ATP6V0D2: variants seen among roughly 807,000 people sequenced by gnomAD.
ATP6V0D2 encodes the protein V-type proton ATPase subunit d 2.
In ATP6V0D2, 40 loss-of-function variants were observed where a neutral mutation model predicts 40.0. The observed-to-expected ratio is 1.00, with a 90% CI of 0.78 to 1.30. ATP6V0D2 has a LOEUF of 1.30. Ranked by LOEUF, ATP6V0D2 falls within the 50% of genes most tolerant of loss-of-function variation. The pLI is 0.00. For missense variants in ATP6V0D2, 470 were observed against 423.1 expected, an observed-to-expected ratio of 1.11 and a Z score of -0.97; for synonymous variants, 179 against 156.3, an observed-to-expected ratio of 1.15 and a Z score of -1.08.
chr8:86,129,000 TTACATTAA>T, intron 2 of ATP6V0D2, among the ~76,000 whole-genome samples: 2 of 152,344 alleles, frequency 1.3e-5, no homozygotes, highest in South Asian at 4.1e-4. Flanking sequence ...TTCAAATGTT[TTACATTAA>T]AGATGATGTG....
chr8:86,138,459 C>T (rs1426502758), intron 2 of ATP6V0D2, among the ~76,000 whole-genome samples: 2 of 152,172 alleles, frequency 1.3e-5, no homozygotes, highest in East Asian at 3.9e-4. Context: ...ATTTACTTCT[C>T]AACCTCATTG....
intron 4 of ATP6V0D2, among the ~76,000 whole-genome samples, chr8:86,142,253 T>G (rs1818984654): frequency 6.6e-6 from 1 of 152,184 alleles, no homozygotes; most frequent in South Asian, 2.1e-4. Flanking sequence ...GAGGCATCCT[T>G]GAGATATAAC....
chr8:86,131,120 C>T (rs898032071), intron 2 of ATP6V0D2, among the ~76,000 whole-genome samples: 1 of 151,918 alleles, frequency 6.6e-6, no homozygotes, highest in Non-Finnish European at 1.5e-5. Flanking sequence ...ACACACAAGC[C>T]CAAAATAATA....
chr8:86,149,068 AAAAAAAAC>A (rs1586105858), intron 5 of ATP6V0D2, among the ~76,000 whole-genome samples: 6 of 149,738 alleles, frequency 4.0e-5, no homozygotes, highest in Middle Eastern at 3.2e-3. Flanking sequence ...AAAAAAAAAA[AAAAAAAAC>A]CAATGAACAA....
chr8:86,133,981 C>A (rs1273260458), intron 2 of ATP6V0D2, among the ~76,000 whole-genome samples: 3 of 151,976 alleles, frequency 2.0e-5, no homozygotes, highest in African/African-American at 7.3e-5. Flanking sequence ...AGTGAAACCC[C>A]AAACAGGAAA....
intron 5 of ATP6V0D2, among the ~76,000 whole-genome samples, chr8:86,146,483 G>A (rs556892829): frequency 1.3e-5 from 2 of 152,118 alleles, no homozygotes; most frequent in South Asian, 2.1e-4. Flanking sequence ...ATCGCTTGAA[G>A]CCAGGAGTTT....
chr8:86,121,359 C>A (rs1418257463), intron 2 of ATP6V0D2, among the ~76,000 whole-genome samples: 1 of 152,174 alleles, frequency 6.6e-6, no homozygotes, highest in Non-Finnish European at 1.5e-5. Context: ...CACTTGAGGT[C>A]AGGAGTTTGA....
intron 1 of ATP6V0D2, among the ~76,000 whole-genome samples, chr8:86,101,045 G>T (rs541573290): frequency 7.9e-5 from 12 of 151,550 alleles, no homozygotes; most frequent in Non-Finnish European, 1.2e-4. Flanking sequence ...TACTCAGGAG[G>T]TTGAGGCAGG....
In ATP6V0D2 at chr8:86,152,881, G is replaced by A; in HGVS notation, c.957G>A (p.Lys319=). Residue 319 remains lysine (K), a synonymous_variant, in exon 8 of 8, where the codon AAG becomes AAA. Coordinates refer to ENST00000285393, the MANE Select transcript of ATP6V0D2 (RefSeq NM_152565.1). ...FHYGVFYAYV[K]LKEQEIRNIV... Reference sequence around the variant, plus strand: ...ACGGTGTGTTTTATGCATATGTAAAGCTGAAGGAACAGGAAATTAGAAATA... The same window carrying A: ...ACGGTGTGTTTTATGCATATGTAAAACTGAAGGAACAGGAAATTAGAAATA... 6.2e-7 allele frequency: 1 copy of A among 1,612,830 alleles called. No homozygotes were observed. Among genetic ancestry groups the A allele is most frequent in the East Asian group, 2.2e-5 (1 of 44,770 alleles).
chr8:86,140,286 G>A (rs192057988), intron 3 of ATP6V0D2, among the ~76,000 whole-genome samples: 12 of 152,086 alleles, frequency 7.9e-5, no homozygotes, highest in East Asian at 5.8e-4. Flanking sequence ...ACTATTGATC[G>A]TTTGTCAAAA....
chr8:86,146,184 T>G (rs1819065938), intron 5 of ATP6V0D2, among the ~76,000 whole-genome samples: 1 of 152,116 alleles, frequency 6.6e-6, no homozygotes, highest in African/African-American at 2.4e-5. Flanking sequence ...AATTGGTAAA[T>G]AGGTAAGGTA....
chr8:86,121,736 A>G (rs1162180661), intron 2 of ATP6V0D2, among the ~76,000 whole-genome samples: 3 of 145,262 alleles, frequency 2.1e-5, no homozygotes, highest in Non-Finnish European at 3.0e-5. Context: ...CTCTTCCAGT[A>G]TATCTTGCAA....
rs1163346793 is a variant in ATP6V0D2 at position 86,150,182 on chromosome 8, G to A, written c.710G>A (p.Arg237Gln). ...SFGTELSKED[R>Q]ETLYPTFGKL... ...GGCACTGAATTGAGCAAAGAAGACC[G>A]AGAGACCCTCTATCCAACCTTCGGC... Residue 237 changes from arginine to glutamine, a missense_variant, in exon 6 of 8, where the codon CGA becomes CAA. Coordinates refer to ENST00000285393, the MANE Select transcript of ATP6V0D2 (RefSeq NM_152565.1). 5 of 1,613,268 alleles carry A rather than the reference G, an allele frequency of 3.1e-6. No individual in the cohort carries two copies. Among genetic ancestry groups the A allele is most frequent in the Admixed American group, 1.7e-5 (1 of 59,878 alleles).
At chr8:86,132,391 T>G (rs1244555073) in intron 2 of ATP6V0D2, among the ~76,000 whole-genome samples, 1 of 152,262 alleles carries the variant, frequency 6.6e-6, no homozygotes, top group African/African-American at 2.4e-5. Context: ...CTATAGTCAC[T>G]CTGCTCTTAT....
At chr8:86,140,038 A>G (rs549806534) in intron 3 of ATP6V0D2, among the ~76,000 whole-genome samples, 2 of 152,232 alleles carry the variant, frequency 1.3e-5, no homozygotes, top group Non-Finnish European at 2.9e-5. Context: ...TTGTCCTTCC[A>G]TTTAAATTTT....
chr8:86,136,420 G>A (rs1053952872), intron 2 of ATP6V0D2, among the ~76,000 whole-genome samples: 1 of 151,978 alleles, frequency 6.6e-6, no homozygotes, highest in African/African-American at 2.4e-5. Context: ...GGAGGTTGTG[G>A]GGAACAATTA....
chr8:86,121,177 A>G (rs1194343638), intron 2 of ATP6V0D2, among the ~76,000 whole-genome samples: 2 of 152,172 alleles, frequency 1.3e-5, no homozygotes, highest in Non-Finnish European at 2.9e-5. Context: ...CTGAATCTCC[A>G]TCCATGATCT....
Position 86,152,830 on chromosome 8 carries a change from G to A in ATP6V0D2, c.906G>A (p.Val302=). 6.3e-7 allele frequency: 1 copy of A among 1,593,762 alleles called. No individual in the cohort carries two copies. Among genetic ancestry groups the A allele is most frequent in the South Asian group, 1.2e-5 (1 of 86,072 alleles). ...TCTTTCCTCAGGTACAAATGAATGTGCTGGCATTCAACAGACAGTTCCACT... is the reference window on the plus strand; with the variant it reads ...TCTTTCCTCAGGTACAAATGAATGTACTGGCATTCAACAGACAGTTCCACT... The part of the protein sequence containing the change: ...VFYEREVQMN[V]LAFNRQFHYG... Residue 302 remains valine, a synonymous_variant, in exon 8 of 8, where the codon GTG becomes GTA. Coordinates refer to ENST00000285393, the MANE Select transcript of ATP6V0D2 (RefSeq NM_152565.1).
chr8:86,101,052 C>T (rs1818389699), intron 1 of ATP6V0D2, among the ~76,000 whole-genome samples: 1 of 150,026 alleles, frequency 6.7e-6, no homozygotes, highest in African/African-American at 2.5e-5. Context: ...GAGGTTGAGG[C>T]AGGAGAATTT....
Sources: gnomAD v4.1 joint callset for allele counts (sites outside exome capture counted in the v4.1 genomes callset) on GRCh38, gnomAD v4.1.1 for gene constraint, MANE v1.5 for transcripts, NCBI Gene and HGNC (gene_info 2026-07-23, HGNC 2026-07-21) for gene names.